CDH23: variants seen among roughly 807,000 people sequenced by gnomAD.
CDH23 encodes the protein cadherin-23.
In CDH23, 189 loss-of-function variants were observed where a neutral mutation model predicts 317.1. That is an observed-to-expected ratio of 0.60 (90% CI 0.53 to 0.67). The LOEUF (loss-of-function observed/expected upper bound fraction) is 0.67. CDH23 is among the 30% of genes least tolerant of loss of function. The pLI is 0.00. For missense variants in CDH23, 4,401 were observed against 4,592.4 expected (o/e 0.96, Z 1.20); for synonymous variants, 1,839 against 1,876.8 (o/e 0.98, Z 0.52).
chr10:71,432,285 AGAGT>A (rs1431383066), intron 1 of CDH23, among the ~76,000 whole-genome samples: 3 of 53,206 alleles, frequency 5.6e-5, no homozygotes, highest in East Asian at 1.2e-3. Flanking sequence ...AGTGTGTTTG[AGAGT>A]GTGTGTGTGA....
chr10:71,798,089 C>G (rs1841452942), intron 49 of CDH23, among the ~76,000 whole-genome samples: 2 of 152,160 alleles, frequency 1.3e-5, no homozygotes, highest in African/African-American at 4.8e-5. Context: ...TGCCCTTTCT[C>G]ATTGAGCAGT....
intron 17 of CDH23, among the ~76,000 whole-genome samples, chr10:71,680,720 C>T (rs1338209295): frequency 3.0e-5 from 4 of 131,842 alleles, no homozygotes; most frequent in Non-Finnish European, 4.7e-5. Flanking sequence ...TGCACTCCAG[C>T]CTGGTGACAG....
At chr10:71,744,073 C>G (rs530239664) in intron 38 of CDH23, among the ~76,000 whole-genome samples, 1 of 152,270 alleles carries the variant, frequency 6.6e-6, no homozygotes, top group African/African-American at 2.4e-5. Context: ...AGAAGTGGCT[C>G]ACGTGGGCAC....
chr10:71,725,328 T>C, intron 29 of CDH23, 44 bp from the exon 30 acceptor site: 1 of 1,613,824 alleles, frequency 6.2e-7, no homozygotes, highest in South Asian at 1.1e-5. Flanking sequence ...GCAGGAGACT[T>C]CTGGGCAGGG....
rs189766488 is a variant in CDH23, at chr10:71,525,186, C to T, written c.429+13974C>T. On this transcript the variant is annotated intron_variant, in intron 6 of 69. Transcript: ENST00000224721. The stretch of plus-strand genomic sequence containing the variant: ...CCCCCCAAAGTGCTGGGATTACAGG[C>T]GTGAGCCACTGTGCCCGGCCGACAC... 2.2e-3 allele frequency among the ~76,000 whole-genome samples: 338 copies of T among 152,340 alleles called. 2 individuals carry two copies. The highest frequency in any genetic ancestry group is 3.4e-3 in the Non-Finnish European group (234 of 68,024).
rs777220825 is a variant in CDH23 at position 71,695,514 on chromosome 10, G to C, written c.2386G>C (p.Asp796His). 1.2e-6 allele frequency: 2 copies of C among 1,611,630 alleles called. No homozygotes were observed. The highest frequency in any genetic ancestry group is 1.7e-5 in the Admixed American group (1 of 60,026). ...GGTGGAGATGACCCCTCCAGACTCTGATGTGACCACGGTAGGTGGTGGCAG... is the reference window on the plus strand; with the variant it reads ...GGTGGAGATGACCCCTCCAGACTCTCATGTGACCACGGTAGGTGGTGGCAG... Reference protein sequence around the residue: ...NLVEMTPPDSDVTTVVAVDPD... With the variant: ...NLVEMTPPDSHVTTVVAVDPD... The change falls in exon 22 of 70, where the codon GAT becomes CAT. Residue 796 changes from aspartate to histidine, a missense_variant. By Grantham distance (81) the Asp-to-His change is moderately conservative. This residue lies in a region of CDH23 where 3,068 missense variants were observed against 3,203.3 expected (regional missense o/e 0.96). Coordinates refer to ENST00000224721, the MANE Select transcript of CDH23 (RefSeq NM_022124.6).
rs753165881 is a variant in CDH23, at chr10:71,679,400, A to T, written c.1766A>T (p.Asp589Val). Residue 589 changes from aspartate to valine, a missense_variant, in exon 17 of 70, where the codon GAC becomes GTC. Coordinates refer to ENST00000224721, the MANE Select transcript of CDH23 (RefSeq NM_022124.6). The stretch of plus-strand genomic sequence containing the variant: ...TCTTCCTTTCAGGCAACAGATGAAG[A>T]CTCCCCTCCCAACAACCAGATCACC... The part of the protein sequence containing the change: ...QLVRLRATDE[D>V]SPPNNQITYS... The T allele has an allele frequency of 2.5e-6, 4 of 1,612,618 alleles. No homozygotes were observed. The Admixed American group carries it at 6.7e-5, about 27-fold the overall frequency.
intron 1 of CDH23, among the ~76,000 whole-genome samples, chr10:71,402,932 C>A (rs547098385): frequency 6.6e-6 from 1 of 152,026 alleles, no homozygotes; most frequent in South Asian, 2.1e-4. Flanking sequence ...CTGGCTAACA[C>A]GGTGAAACCA....
At chr10:71,487,743 G>A (rs74148319) in intron 3 of CDH23, among the ~76,000 whole-genome samples, 3,679 of 152,206 alleles carry the variant, frequency 0.024, 151 homozygotes, top group African/African-American at 0.083. Flanking sequence ...CCCCCTGGTT[G>A]TAAGTGGTCT....
chr10:71,771,862 C>G (rs1233161335), intron 38 of CDH23, among the ~76,000 whole-genome samples: 1 of 152,062 alleles, frequency 6.6e-6, no homozygotes, highest in Admixed American at 6.5e-5. Context: ...AGAAATGTTT[C>G]TCAAATTGGG....
At chr10:71,783,414 T>C (rs1200100168) in intron 41 of CDH23, among the ~76,000 whole-genome samples, 1 of 152,104 alleles carries the variant, frequency 6.6e-6, no homozygotes, top group Non-Finnish European at 1.5e-5. Flanking sequence ...AGACCCAGAG[T>C]GCTGGGTTTG....
chr10:71,766,569 G>C (rs1235195607), intron 38 of CDH23, among the ~76,000 whole-genome samples: 1 of 152,202 alleles, frequency 6.6e-6, no homozygotes, highest in Admixed American at 6.5e-5. Flanking sequence ...ATCTTAACCT[G>C]AGGGCTGCCA....
intron 35 of CDH23, 46 bp downstream of exon 35, chr10:71,738,693 C>T (rs1197657488): frequency 3.1e-6 from 5 of 1,593,848 alleles, no homozygotes; most frequent in Non-Finnish European, 3.4e-6. Flanking sequence ...GTCAGCGGGG[C>T]TCCCACAGCT....
At chr10:71,641,251 G>A (rs1480489301) in intron 11 of CDH23, among the ~76,000 whole-genome samples, 1 of 152,198 alleles carries the variant, frequency 6.6e-6, no homozygotes, top group Non-Finnish European at 1.5e-5. Flanking sequence ...CCAGCCCCCA[G>A]AGATGATGAC....
At chr10:71,501,985 G>A (rs1422819601) in intron 3 of CDH23, among the ~76,000 whole-genome samples, 4 of 152,254 alleles carry the variant, frequency 2.6e-5, no homozygotes, top group African/African-American at 4.8e-5. Flanking sequence ...GGGCCCTGCT[G>A]TTTGCAACTC....
intron 12 of CDH23, 124 bp downstream of exon 12, chr10:71,643,990 T>A: frequency 1.5e-6 from 1 of 685,086 alleles, no homozygotes; most frequent in Non-Finnish European, 2.7e-6. Context: ...CCAGCTCCTG[T>A]GGTTGAGGGA....
At chr10:71,677,740 C>T (rs1024897755) in intron 16 of CDH23, 47 bp downstream of exon 16, 14 of 1,419,600 alleles carry the variant, frequency 9.9e-6, no homozygotes, top group Non-Finnish European at 1.4e-5. Flanking sequence ...TCTTAGCCTT[C>T]TCCCTGTACT....
rs540029476 is a variant in CDH23, at chr10:71,697,883, G to A, written c.2397+2358G>A. ...ACAGAGCGGGTGTGGCTGTTCCACC[G>A]CTGGCGTCAGGTGGGCACAGGCTGG... On this transcript the variant is annotated intron_variant, in intron 22 of 69. Coordinates refer to ENST00000224721, the MANE Select transcript of CDH23 (RefSeq NM_022124.6). 7.2e-5 allele frequency among the ~76,000 whole-genome samples: 11 copies of A among 152,328 alleles called. No homozygotes were observed. In the East Asian group the frequency reaches 1.5e-3, roughly 21 times the overall value.
At chr10:71,583,182 G>A (rs1858763576) in intron 9 of CDH23, among the ~76,000 whole-genome samples, 1 of 151,268 alleles carries the variant, frequency 6.6e-6, no homozygotes, top group Non-Finnish European at 1.5e-5. Flanking sequence ...TGCAGTAGGA[G>A]AGGAGCCACA....
Sources: gnomAD v4.1 joint callset for allele counts (sites outside exome capture counted in the v4.1 genomes callset) on GRCh38, gnomAD v4.1.1 for gene constraint, gnomAD v4.1.1 regional missense constraint, MANE v1.5 for transcripts, NCBI Gene and HGNC (gene_info 2026-07-23, HGNC 2026-07-21) for gene names.